The following KIAA1549 variants were observed in gnomAD, a reference collection of about 807,000 sequenced individuals.
KIAA1549 encodes UPF0606 protein KIAA1549.
Under a neutral mutation model 156.4 loss-of-function variants are expected in KIAA1549, and 70 were observed. That is an observed-to-expected ratio of 0.45 (90% CI 0.37 to 0.55). KIAA1549 has a LOEUF of 0.55. Ranked by LOEUF, KIAA1549 falls within the 20% of genes least tolerant of loss-of-function variation. The pLI is 0.00. For missense variants in KIAA1549, 2,428 were observed against 2,540.9 expected (o/e 0.96, Z 0.96); for synonymous variants, 1,103 against 1,066.4 (o/e 1.03, Z -0.67).
chr7:138,907,492 T>A (rs1812040092), intron 5 of KIAA1549, among the ~76,000 whole-genome samples: 1 of 151,988 alleles, frequency 6.6e-6, no homozygotes, highest in South Asian at 2.1e-4. Flanking sequence ...AAAGCCAGAA[T>A]CCAAAACATA....
intron 1 of KIAA1549, among the ~76,000 whole-genome samples, chr7:138,975,045 T>G (rs990141528): frequency 2.4e-4 from 36 of 152,136 alleles, no homozygotes; most frequent in African/African-American, 8.0e-4. Context: ...TCTTGTCAAA[T>G]GCAGATTCTG....
intron 6 of KIAA1549, 70 bp downstream of exon 6, chr7:138,906,849 T>G (rs1812018246): frequency 1.7e-6 from 2 of 1,210,456 alleles, no homozygotes; most frequent in Admixed American, 2.8e-5. Flanking sequence ...TAAAAAAATT[T>G]TAAGAAGAGG....
chr7:138,952,181 T>C (rs1584780157), intron 1 of KIAA1549, among the ~76,000 whole-genome samples: 1 of 152,206 alleles, frequency 6.6e-6, no homozygotes, highest in African/African-American at 2.4e-5. Context: ...CTGAGGATGG[T>C]CTGGGATTTC....
At chr7:138,974,395 C>T (rs1356593943) in intron 1 of KIAA1549, among the ~76,000 whole-genome samples, 4 of 152,054 alleles carry the variant, frequency 2.6e-5, no homozygotes, top group Non-Finnish European at 5.9e-5. Context: ...ATATTCAGTA[C>T]AGCAGCTATT....
At chr7:138,948,256 C>T (rs144832846) in intron 1 of KIAA1549, among the ~76,000 whole-genome samples, 12 of 152,102 alleles carry the variant, frequency 7.9e-5, no homozygotes, top group East Asian at 1.9e-4. Context: ...AGTGTCCTCA[C>T]GAAAATGGGG....
intron 1 of KIAA1549, among the ~76,000 whole-genome samples, chr7:138,959,898 C>T (rs1813786673): frequency 6.6e-6 from 1 of 152,202 alleles, no homozygotes; most frequent in Non-Finnish European, 1.5e-5. Flanking sequence ...AAATGTCACA[C>T]CCATGTGGGA....
At chr7:138,847,970 TTTC>T (rs1810128303) in intron 17 of KIAA1549, among the ~76,000 whole-genome samples, 1 of 152,248 alleles carries the variant, frequency 6.6e-6, no homozygotes, top group African/African-American at 2.4e-5. Flanking sequence ...TTGAAATTTT[TTTC>T]TTTTCTGTTT....
intron 16 of KIAA1549, among the ~76,000 whole-genome samples, chr7:138,855,951 T>C (rs969192107): frequency 6.6e-6 from 1 of 152,186 alleles, no homozygotes; most frequent in South Asian, 2.1e-4. Flanking sequence ...ACAACCTGAT[T>C]TTATCTGTGC....
intron 1 of KIAA1549, among the ~76,000 whole-genome samples, chr7:138,931,417 T>C (rs1468219325): frequency 1.3e-5 from 2 of 152,226 alleles, no homozygotes; most frequent in South Asian, 4.1e-4. Context: ...AGTTCATGAC[T>C]TGTTGTTTGA....
Position 138,861,455 on chromosome 7 carries a change from G to C in KIAA1549, c.4931C>G (p.Ser1644Trp). The change falls in exon 16 of 20, where the codon TCG (serine) becomes TGG (tryptophan). Residue 1644 changes from serine (S) to tryptophan (W), a missense_variant and splice_region_variant. By Grantham distance (177) the Ser-to-Trp change is radical. This residue lies in a region of KIAA1549 where 404 missense variants were observed against 417.0 expected (regional missense o/e 0.97). Transcript: ENST00000422774. ...CACATCGGCTGGGAGGTCAGGATCC[G>C]ACTACAATGAGAAATGGCAAAGGAA... ...VHNSAYIGCP[S>W]DPDLPADVQT... 1 of 1,604,956 alleles carries C rather than the reference G, an allele frequency of 6.2e-7. No individual in the cohort carries two copies. The highest frequency in any genetic ancestry group is 8.5e-7 in the Non-Finnish European group (1 of 1,175,660).
Position 138,919,413 on chromosome 7 carries a change from G to A in KIAA1549, c.213C>T (p.Asn71=), listed in dbSNP as rs779912686. 6.2e-7 allele frequency: 1 copy of A among 1,613,964 alleles called. No homozygotes were observed. Among genetic ancestry groups the A allele is most frequent in the South Asian group, 1.1e-5 (1 of 91,074 alleles). ...CGAGCTCCATGGAGTATAAAGAAAG[G>A]TTGTGCTGTTCCGGAGAGAGCTCAT... ...APDELSPEQH[N]LSLYSMELVL... The change falls in exon 2 of 20, where the codon AAC becomes AAT. Residue 71 remains asparagine (N), a synonymous_variant. Transcript: ENST00000422774.
At chr7:138,902,203 C>T (rs1247794274) in intron 8 of KIAA1549, among the ~76,000 whole-genome samples, 1 of 152,158 alleles carries the variant, frequency 6.6e-6, no homozygotes, top group South Asian at 2.1e-4. Flanking sequence ...CTAAGGACTA[C>T]ATTTCTGGGA....
intron 17 of KIAA1549, among the ~76,000 whole-genome samples, chr7:138,850,113 G>GT (rs1043461502): frequency 1.3e-5 from 2 of 151,834 alleles, no homozygotes; most frequent in African/African-American, 4.8e-5. Flanking sequence ...CAGTAGTTTT[G>GT]TTTTTTTAAC....
At chr7:138,902,015 C>T (rs1051263474) in intron 8 of KIAA1549, among the ~76,000 whole-genome samples, 1 of 152,244 alleles carries the variant, frequency 6.6e-6, no homozygotes, top group Non-Finnish European at 1.5e-5. Context: ...AGTTAACTCA[C>T]ACCTAGACCT....
chr7:138,963,413 C>T (rs543237621), intron 1 of KIAA1549, among the ~76,000 whole-genome samples: 25 of 152,294 alleles, frequency 1.6e-4, no homozygotes, highest in African/African-American at 5.8e-4. Flanking sequence ...ACAGGTATAT[C>T]TTGTTTTCCT....
intron 1 of KIAA1549, among the ~76,000 whole-genome samples, chr7:138,968,462 T>G (rs1814103197): frequency 6.6e-6 from 1 of 152,178 alleles, no homozygotes; most frequent in Admixed American, 6.5e-5. Context: ...GCGATATATA[T>G]TTTTAAACGG....
chr7:138,981,174 A>AGGCCGTCGGCCGCTC lies in KIAA1549; in HGVS notation c.81_95dup (p.Gly29_Ser33dup), dbSNP rs1814538413. ...GGCGGCGGCGGGCGCAGCGGGCGGA[A>AGGCCGTCGGCCGCTC]GGCCGTCGGCCGCTCGGCCCCGGGG... On this transcript the variant is annotated inframe_insertion, in exon 1 of 20. Coordinates refer to ENST00000422774, the MANE Select transcript of KIAA1549 (RefSeq NM_001164665.2). This position sits in a 1 kb window ranked among gnomAD's most constrained non-coding sequence, Gnocchi z 4.5. The AGGCCGTCGGCCGCTC allele has an allele frequency of 8.7e-7, 1 of 1,155,044 alleles. No homozygotes were observed. Among genetic ancestry groups the AGGCCGTCGGCCGCTC allele is most frequent in the African/African-American group, 1.6e-5 (1 of 61,316 alleles). The allele number at this position is 1,155,044 out of a possible 1,614,324, so 71.5% of individuals were successfully genotyped here.
Position 138,894,333 on chromosome 7 carries a change from G to C in KIAA1549, c.4032+9C>G. ...TATAGGAACACTGGGGGAAGAGGCT[G>C]CCCGTTACCTTCTGACGCTGCTGAA... On this transcript the variant is annotated intron_variant, in intron 10 of 19. Coordinates refer to ENST00000422774, the MANE Select transcript of KIAA1549 (RefSeq NM_001164665.2). 1 of 1,613,648 alleles carries C rather than the reference G, an allele frequency of 6.2e-7. No homozygotes were observed. Among genetic ancestry groups the C allele is most frequent in the African/African-American group, 1.3e-5 (1 of 75,028 alleles).
intron 1 of KIAA1549, among the ~76,000 whole-genome samples, chr7:138,940,409 T>A (rs1412229565): frequency 6.7e-6 from 1 of 150,178 alleles, no homozygotes; most frequent in East Asian, 1.9e-4. Flanking sequence ...TAATCCAGTC[T>A]ATCGTTGTTG....
Sources: allele counts gnomAD v4.1 joint callset (sites outside exome capture counted in the v4.1 genomes callset), GRCh38; gene constraint gnomAD v4.1.1; regional missense constraint gnomAD v4.1.1; non-coding constraint Gnocchi (gnomAD v3.1); transcripts MANE v1.5; gene names NCBI Gene and HGNC (gene_info 2026-07-23, HGNC 2026-07-21).